Variants in NPAS3 observed in about 807,000 individuals in gnomAD.
NPAS3 encodes the protein neuronal PAS domain protein 3.
In NPAS3, 14 loss-of-function variants were observed where a neutral mutation model predicts 73.1. That is an observed-to-expected ratio of 0.19 (90% confidence interval 0.13 to 0.30). NPAS3 has a LOEUF of 0.30. NPAS3 is among the 10% of genes least tolerant of loss of function. The pLI is 1.00. For synonymous variants in NPAS3, 620 were observed against 541.5 expected, an observed-to-expected ratio of 1.14 and a Z score of -2.01; for missense variants, 1,096 against 1,250.0, an observed-to-expected ratio of 0.88 and a Z score of 1.86.
chr14:33,312,658 G>C (rs1174755574), intron 3 of NPAS3, among the ~76,000 whole-genome samples: 3 of 151,932 alleles, frequency 2.0e-5, no homozygotes, highest in Non-Finnish European at 4.4e-5. Context: ...AAGTTGACAG[G>C]TATATTTTCC....
chr14:33,296,617 G>A (rs2042310175), intron 3 of NPAS3, among the ~76,000 whole-genome samples: 1 of 152,164 alleles, frequency 6.6e-6, no homozygotes, highest in African/African-American at 2.4e-5. Context: ...GTGACTCCCT[G>A]TATTACAGAG....
At chr14:33,303,832 G>T (rs1366173810) in intron 3 of NPAS3, among the ~76,000 whole-genome samples, 2 of 152,234 alleles carry the variant, frequency 1.3e-5, no homozygotes, top group African/African-American at 4.8e-5. Context: ...AACTTGTCTT[G>T]TTGTGGTTTG....
chr14:33,765,485 C>T (rs980786509), intron 7 of NPAS3, among the ~76,000 whole-genome samples: 2 of 152,046 alleles, frequency 1.3e-5, no homozygotes, highest in Non-Finnish European at 2.9e-5. Flanking sequence ...CACTACAGTG[C>T]AGCCCACTGT....
intron 9 of NPAS3, among the ~76,000 whole-genome samples, chr14:33,787,190 C>T (rs2063202638): frequency 6.6e-6 from 1 of 152,150 alleles, no homozygotes; most frequent in Admixed American, 6.5e-5. Flanking sequence ...TCAGATGTCC[C>T]TCATGCCAAC....
chr14:33,586,078 G>C (rs1383596676), intron 5 of NPAS3: 1 of 151,882 alleles, frequency 6.6e-6, no homozygotes, highest in East Asian at 1.9e-4. Flanking sequence ...GGAGTTATCT[G>C]TTAAGAGACA....
At chr14:32,989,714 G>T (rs2038252131) in intron 1 of NPAS3, among the ~76,000 whole-genome samples, 1 of 152,100 alleles carries the variant, frequency 6.6e-6, no homozygotes. Flanking sequence ...AATGAATTTT[G>T]ACCATTATTT....
chr14:33,745,665 A>G (rs1242684966), intron 7 of NPAS3, among the ~76,000 whole-genome samples: 1 of 152,216 alleles, frequency 6.6e-6, no homozygotes, highest in Non-Finnish European at 1.5e-5. Context: ...ACCTGTACCT[A>G]TGAAAAGTAG....
intron 5 of NPAS3, among the ~76,000 whole-genome samples, chr14:33,610,543 A>G (rs563875758): frequency 6.6e-6 from 1 of 152,330 alleles, no homozygotes; most frequent in South Asian, 2.1e-4. Context: ...CTTGTTTTTC[A>G]GTAATTTACA....
intron 1 of NPAS3, among the ~76,000 whole-genome samples, chr14:33,035,508 C>T (rs947703669): frequency 6.6e-6 from 1 of 152,180 alleles, no homozygotes; most frequent in African/African-American, 2.4e-5. Context: ...CCCAAAGTTC[C>T]AGCAGAGTGC....
At chr14:33,399,442 C>T (rs941422412) in intron 4 of NPAS3, among the ~76,000 whole-genome samples, 1 of 151,962 alleles carries the variant, frequency 6.6e-6, no homozygotes, top group African/African-American at 2.4e-5. Flanking sequence ...AGGAAAAAGC[C>T]TCCATTAAAC....
At chr14:33,629,002 C>T (rs1418510574) in intron 5 of NPAS3, among the ~76,000 whole-genome samples, 3 of 151,776 alleles carry the variant, frequency 2.0e-5, no homozygotes, top group East Asian at 1.9e-4. Flanking sequence ...GAGGCTGAGG[C>T]GGGTGGATCA....
intron 4 of NPAS3, among the ~76,000 whole-genome samples, chr14:33,557,837 C>T (rs1017598257): frequency 9.2e-5 from 14 of 152,144 alleles, no homozygotes; most frequent in African/African-American, 3.1e-4. Context: ...GGCGTGGTGG[C>T]GGGTGCCCGT....
At chr14:33,676,302 G>A in exon 6 of NPAS3, 2 of 1,613,188 alleles carry the variant, frequency 1.2e-6, no homozygotes, top group Middle Eastern at 1.7e-4. Flanking sequence ...CTCCCCCCTG[G>A]GCGGGGTCTC....
intron 2 of NPAS3, among the ~76,000 whole-genome samples, chr14:33,069,323 A>G (rs1037056372): frequency 6.6e-6 from 1 of 152,244 alleles, no homozygotes; most frequent in African/African-American, 2.4e-5. Context: ...TTAAATGGTA[A>G]GAGGCTATGT....
At chr14:33,536,990 A>G (rs2054286570) in intron 4 of NPAS3, among the ~76,000 whole-genome samples, 1 of 152,158 alleles carries the variant, frequency 6.6e-6, no homozygotes, top group South Asian at 2.1e-4. Flanking sequence ...AGTCTATTCA[A>G]TTACTGGTCT....
chr14:33,324,626 G>A (rs1392816652), intron 3 of NPAS3, among the ~76,000 whole-genome samples: 1 of 152,146 alleles, frequency 6.6e-6, no homozygotes, highest in Non-Finnish European at 1.5e-5. Flanking sequence ...AGATTTCATA[G>A]CGATAGAAAA....
chr14:33,776,168 A>G (rs1291289990), intron 8 of NPAS3, among the ~76,000 whole-genome samples: 1 of 152,222 alleles, frequency 6.6e-6, no homozygotes, highest in East Asian at 1.9e-4. Context: ...GAACCAAGTT[A>G]CAGCCCACAA....
At chr14:33,205,304 G>C (rs2046782463) in intron 2 of NPAS3, among the ~76,000 whole-genome samples, 1 of 152,060 alleles carries the variant, frequency 6.6e-6, no homozygotes, top group Admixed American at 6.6e-5. Flanking sequence ...TCAGTATCTT[G>C]AGAATATCCC....
intron 3 of NPAS3, among the ~76,000 whole-genome samples, chr14:33,324,681 T>C (rs1222150210): frequency 6.6e-6 from 1 of 152,224 alleles, no homozygotes; most frequent in East Asian, 1.9e-4. Context: ...TAATTATAGC[T>C]ACAGCAAAAT....
Sources: gnomAD v4.1 joint callset for allele counts (sites outside exome capture counted in the v4.1 genomes callset) on GRCh38, gnomAD v4.1.1 for gene constraint, MANE v1.5 for transcripts, NCBI Gene and HGNC (gene_info 2026-07-23, HGNC 2026-07-21) for gene names.